Variants in GET1 observed in about 807,000 individuals in gnomAD.
GET1 encodes the protein congenital heart disease 5 protein.
GET1 carries 20 observed loss-of-function variants against 22.6 expected under a neutral mutation model. The ratio of observed to expected loss-of-function variants is 0.89; its 90% CI spans 0.62 to 1.29. GET1 has a LOEUF of 1.29. GET1 is among the 50% of genes most tolerant of loss of function. GET1 has a pLI of 0.00. For synonymous variants in GET1, 92 were observed against 83.8 expected (o/e 1.10, Z -0.53); for missense variants, 209 against 219.9 (o/e 0.95, Z 0.31).
chr21:39,380,812 G>C (rs1404452725), intron 1 of GET1: 1 of 1,031,898 alleles, frequency 9.7e-7, no homozygotes, highest in Admixed American at 5.3e-5. Context: ...GGTTCCTAGA[G>C]GCATTCGAGC....
chr21:39,417,740 CTTT>C (rs2041478383), intron 1 of GET1, among the ~76,000 whole-genome samples: 1 of 151,796 alleles, frequency 6.6e-6, no homozygotes, highest in East Asian at 1.9e-4. Context: ...AGGGGAGCTT[CTTT>C]TTATTTATTT....
chr21:39,406,310 C>G lies in GET1; in HGVS notation c.*326C>G, dbSNP rs1361684476. ...AGCCCATGATGCAGGTTTTCAGTTG[C>G]TTCTGTGAATGAGTAATGTCTTCTT... is the stretch of plus-strand genomic sequence containing the variant. On this transcript the variant is annotated 3_prime_UTR_variant, in exon 5 of 5. Transcript: ENST00000415847. 6 of 1,614,074 alleles carry G rather than the reference C, an allele frequency of 3.7e-6. No homozygotes were observed. The highest frequency in any genetic ancestry group is 5.1e-6 in the Non-Finnish European group (6 of 1,180,028).
At chr21:39,390,629 G>A (rs1481167616) in intron 1 of GET1, 69 bp from the exon 2 acceptor site, 74 of 1,575,140 alleles carry the variant, frequency 4.7e-5, no homozygotes, top group Non-Finnish European at 6.2e-5. Context: ...ACAGAAAGTA[G>A]CGGGGGACTG....
At chr21:39,380,880 C>G in intron 1 of GET1, 2 of 959,420 alleles carry the variant, frequency 2.1e-6, no homozygotes, top group Non-Finnish European at 2.4e-6. Context: ...TTCCAGGTCC[C>G]GGAGAGATGG....
downstream of GET1, chr21:39,406,807 G>A: frequency 6.2e-6 from 3 of 481,774 alleles, no homozygotes; most frequent in South Asian, 4.2e-5. Context: ...ACAGTTTCTT[G>A]GAACTTCCCA....
intron 1 of GET1, among the ~76,000 whole-genome samples, chr21:39,387,362 A>C (rs2037974137): frequency 6.6e-6 from 1 of 152,230 alleles, no homozygotes; most frequent in African/African-American, 2.4e-5. Context: ...ATATGGTTTT[A>C]AAAGTCAGAT....
intron 4 of GET1, chr21:39,405,755 C>T (rs1483130893): frequency 2.2e-5 from 14 of 638,604 alleles, no homozygotes; most frequent in Middle Eastern, 4.7e-4. Flanking sequence ...ATTTAATTAT[C>T]GAAAGTCAAT....
chr21:39,412,696 A>G (rs1346797657), intron 1 of GET1, among the ~76,000 whole-genome samples: 1 of 152,086 alleles, frequency 6.6e-6, no homozygotes, highest in East Asian at 1.9e-4. Flanking sequence ...AGGGATATTC[A>G]GGGGGTGAGA....
At chr21:39,402,285 G>A (rs919891919), downstream of GET1, among the ~76,000 whole-genome samples, 2 of 152,214 alleles carry the variant, frequency 1.3e-5, no homozygotes, top group East Asian at 3.9e-4. Flanking sequence ...TGTATTTTTA[G>A]TAAGAGACGG....
chr21:39,405,578 T>G (rs903467510), intron 4 of GET1, among the ~76,000 whole-genome samples: 2 of 152,220 alleles, frequency 1.3e-5, no homozygotes, highest in Admixed American at 6.5e-5. Context: ...GTTGACTAAC[T>G]TAAGAGTTAC....
chr21:39,401,544 C>G (rs1206328475), downstream of GET1, among the ~76,000 whole-genome samples: 1 of 152,166 alleles, frequency 6.6e-6, no homozygotes, highest in African/African-American at 2.4e-5. Flanking sequence ...TCCTATTCGT[C>G]AGAGTTGTAT....
chr21:39,424,608 A>G (rs538747319), intron 1 of GET1, among the ~76,000 whole-genome samples: 2 of 152,356 alleles, frequency 1.3e-5, no homozygotes, highest in Admixed American at 6.5e-5. Context: ...GTTATGGGTA[A>G]TTAGAGTATA....
chr21:39,409,135 T>C (rs77654279), downstream of GET1, among the ~76,000 whole-genome samples: 1 of 151,996 alleles, frequency 6.6e-6, no homozygotes, highest in Non-Finnish European at 1.5e-5. The surrounding 1 kb of genome is among the most constrained non-coding windows in gnomAD (Gnocchi z 4.2). Flanking sequence ...AGTGTCCTTA[T>C]AAAAAGAAAC....
At chr21:39,406,480 A>G (rs747455420) in exon 5 of GET1, 2 of 1,613,844 alleles carry the variant, frequency 1.2e-6, no homozygotes, top group Non-Finnish European at 1.7e-6. Context: ...AACTTCAATT[A>G]TTTTTGGTGG....
downstream of GET1, chr21:39,411,163 A>G (rs547901985): frequency 8.3e-5 from 26 of 314,668 alleles, no homozygotes; most frequent in South Asian, 7.0e-4. Context: ...TCTAGAACAG[A>G]CAACCTAGGC....
At chr21:39,387,678 C>G (rs2037997049) in intron 1 of GET1, 1 of 375,960 alleles carries the variant, frequency 2.7e-6, no homozygotes, top group Admixed American at 6.5e-5. Context: ...TCCACCCCCC[C>G]TACTCCCCAC....
chr21:39,405,517 A>G (rs1161971550), intron 4 of GET1, among the ~76,000 whole-genome samples: 3 of 152,132 alleles, frequency 2.0e-5, no homozygotes, highest in Admixed American at 6.6e-5. Flanking sequence ...TTAAGTTACA[A>G]TTCAACTCTA....
At chr21:39,390,649 C>T in intron 1 of GET1, 49 bp from the exon 2 acceptor site, 1 of 1,605,110 alleles carries the variant, frequency 6.2e-7, no homozygotes, top group East Asian at 2.2e-5. Flanking sequence ...GGGGAACCCT[C>T]CTGTGACCCG....
chr21:39,423,530 T>C (rs553467804), intron 1 of GET1: 5 of 1,493,066 alleles, frequency 3.3e-6, no homozygotes, highest in East Asian at 2.3e-5. Flanking sequence ...TAGTAAAATA[T>C]ACAGATATGC....
Sources: allele counts gnomAD v4.1 joint callset (sites outside exome capture counted in the v4.1 genomes callset), GRCh38; gene constraint gnomAD v4.1.1; non-coding constraint Gnocchi (gnomAD v3.1); transcripts MANE v1.5; gene names NCBI Gene and HGNC (gene_info 2026-07-23, HGNC 2026-07-21).